Variants in GRK3 observed in about 807,000 individuals in gnomAD.
GRK3 encodes the protein adrenergic, beta, receptor kinase 2.
Under a neutral mutation model 95.7 loss-of-function variants are expected in GRK3, and 54 were observed. The observed-to-expected ratio is 0.56, with a 90% CI of 0.45 to 0.71. GRK3 has a LOEUF of 0.71. GRK3 is among the 30% of genes least tolerant of loss of function. GRK3 has a pLI of 0.00. For synonymous variants in GRK3, 281 were observed against 290.8 expected, an observed-to-expected ratio of 0.97 and a Z score of 0.34; for missense variants, 649 against 851.2, an observed-to-expected ratio of 0.76 and a Z score of 2.96.
intron 11 of GRK3, among the ~76,000 whole-genome samples, chr22:25,689,748 A>G (rs2085150442): frequency 6.6e-6 from 1 of 152,124 alleles, no homozygotes; most frequent in African/African-American, 2.4e-5. Flanking sequence ...ATTCTTAGAA[A>G]CTTCCTGTCT....
At position 25,677,400 on chromosome 22, in the gene GRK3, AAG is replaced by A. The variant is rs1485429862; in HGVS notation, c.648-1414_648-1413del. Among the ~76,000 whole-genome samples, 530 of 147,678 alleles carry A rather than the reference AAG, an allele frequency of 3.6e-3. 1 individual carries two copies. The highest frequency in any genetic ancestry group is 5.4e-3 in the Non-Finnish European group (360 of 67,046). On this transcript the variant is annotated intron_variant, in intron 8 of 20. Coordinates refer to ENST00000324198, the MANE Select transcript of GRK3 (RefSeq NM_005160.4). ...CTTAAAAAAAAAAAAAAAAAAAAAA[AAG>A]AAAAGGAAAAAAAAAGAAAAGAAAT...
At chr22:25,594,900 A>T (rs995125447) in intron 1 of GRK3, among the ~76,000 whole-genome samples, 6 of 152,178 alleles carry the variant, frequency 3.9e-5, no homozygotes, top group Middle Eastern at 3.4e-3. Context: ...AATAAATAAA[A>T]TAAATAAATA....
intron 15 of GRK3, among the ~76,000 whole-genome samples, chr22:25,705,434 G>A (rs1568936306): frequency 6.6e-6 from 1 of 152,040 alleles, no homozygotes; most frequent in African/African-American, 2.4e-5. Flanking sequence ...TCTATTCTGT[G>A]ATCATAATCA....
chr22:25,648,948 T>C lies in GRK3; in HGVS notation c.264+4283T>C, dbSNP rs547704766. The stretch of plus-strand genomic sequence containing the variant: ...TCCTGAAGTTGCACTGTATGGTGGG[T>C]TTACAATAAAGTCTGGTGTCTGCTC... On this transcript the variant is annotated intron_variant, in intron 3 of 20. Coordinates refer to ENST00000324198, the MANE Select transcript of GRK3 (RefSeq NM_005160.4). 7.4e-5 allele frequency: 68 copies of C among 920,234 alleles called. 1 individual carries two copies. The East Asian group carries it at 1.6e-3, about 22-fold the overall frequency. The allele number at this position is 920,234 out of a possible 1,614,324, so 57.0% of individuals were successfully genotyped here.
At position 25,678,782 on chromosome 22, in the gene GRK3, C is replaced by T. The variant is rs201402565; in HGVS notation, c.648-34C>T. On this transcript the variant is annotated intron_variant, in intron 8 of 20. Coordinates refer to ENST00000324198, the MANE Select transcript of GRK3 (RefSeq NM_005160.4). ...GTTTAAATTAGTCTAGATATATTTA[C>T]GGCATAGATTTTTCAATAAATTTAT... 2,264 of 1,286,218 alleles carry T rather than the reference C, an allele frequency of 1.8e-3. 8 individuals carry two copies. The highest frequency in any genetic ancestry group is 4.2e-3 in the South Asian group (327 of 77,658). 79.7% of individuals were successfully genotyped at this position (1,286,218 alleles called of 1,614,324 possible).
At chr22:25,577,390 G>T (rs1026876970) in intron 1 of GRK3, among the ~76,000 whole-genome samples, 1 of 152,130 alleles carries the variant, frequency 6.6e-6, no homozygotes, top group African/African-American at 2.4e-5. Flanking sequence ...GCCCAGGCTG[G>T]TCTCGAACTC....
chr22:25,649,252 T>A, intron 3 of GRK3: 2 of 1,132,930 alleles, frequency 1.8e-6, no homozygotes, highest in Non-Finnish European at 2.7e-6. Context: ...TAGCCTATTT[T>A]ATATGCTCAC....
intron 1 of GRK3, among the ~76,000 whole-genome samples, chr22:25,573,211 A>T (rs975553271): frequency 6.6e-6 from 1 of 152,232 alleles, no homozygotes; most frequent in Non-Finnish European, 1.5e-5. Flanking sequence ...ATCTATGCTC[A>T]TTAGTCTGAA....
At chr22:25,662,593 G>T (rs1020731834) in intron 4 of GRK3, among the ~76,000 whole-genome samples, 1 of 152,210 alleles carries the variant, frequency 6.6e-6, no homozygotes, top group Non-Finnish European at 1.5e-5. Context: ...GGCTAAAGAG[G>T]ACGTCTCTTT....
chr22:25,655,288 A>G lies in GRK3; in HGVS notation c.265-6288A>G, dbSNP rs139420543. Among the ~76,000 whole-genome samples the G allele has an allele frequency of 1.1e-4, 16 of 152,178 alleles. No individual in the cohort carries two copies. In the East Asian group the frequency reaches 3.1e-3, roughly 29 times the overall value. On this transcript the variant is annotated intron_variant, in intron 3 of 20. Transcript: ENST00000324198. ...CTACCTCTCCCTGTTAGTTTTCACT[A>G]CCTTCTTACATAGAATGTCTACGTT...
intron 16 of GRK3, 75 bp from the exon 17 acceptor site, chr22:25,710,993 C>T: frequency 1.2e-6 from 1 of 837,722 alleles, no homozygotes. Context: ...ACTGTGCTGT[C>T]TTTGTAGAAT....
At position 25,610,560 on chromosome 22, in the gene GRK3, C is replaced by T. The variant is rs192145638; in HGVS notation, c.190+6107C>T. Among the ~76,000 whole-genome samples the T allele has an allele frequency of 2.5e-3, 383 of 152,210 alleles. 5 individuals are homozygous for T. Among genetic ancestry groups the T allele is most frequent in the Non-Finnish European group, 1.7e-3 (115 of 68,020 alleles). On this transcript the variant is annotated intron_variant, in intron 2 of 20. Coordinates refer to ENST00000324198, the MANE Select transcript of GRK3 (RefSeq NM_005160.4). ...TTTTGGTAAATTTCTACAGTTGTGCCCCCGTCACCACAATACAATTTAAAA... is the reference window on the plus strand; with the variant it reads ...TTTTGGTAAATTTCTACAGTTGTGCTCCCGTCACCACAATACAATTTAAAA...
chr22:25,647,711 C>T (rs2084795890), intron 3 of GRK3: 1 of 1,323,916 alleles, frequency 7.6e-7, no homozygotes, highest in Non-Finnish European at 1.1e-6. Context: ...GTAGCGCCTG[C>T]AGATTCCATT....
At chr22:25,570,977 G>A (rs905945698) in intron 1 of GRK3, among the ~76,000 whole-genome samples, 5 of 152,258 alleles carry the variant, frequency 3.3e-5, no homozygotes, top group African/African-American at 1.2e-4. Flanking sequence ...AGCCCATGGC[G>A]AATGCAGTGA....
chr22:25,707,614 C>T (rs935836623), intron 15 of GRK3, among the ~76,000 whole-genome samples: 5 of 152,284 alleles, frequency 3.3e-5, no homozygotes, highest in African/African-American at 1.2e-4. Flanking sequence ...AGGAACACTC[C>T]AGCTGGAGGA....
chr22:25,671,639 T>C (rs187024442), intron 6 of GRK3, among the ~76,000 whole-genome samples: 290 of 152,358 alleles, frequency 1.9e-3, no homozygotes, highest in African/African-American at 6.5e-3. Context: ...TCTGAACATT[T>C]TGATGCCTTG....
intron 8 of GRK3, among the ~76,000 whole-genome samples, chr22:25,677,377 T>TAAAAAAAA (rs376997700): frequency 1.9e-4 from 8 of 42,550 alleles, no homozygotes; most frequent in Non-Finnish European, 3.4e-4. Context: ...CCCCATATCT[T>TAAAAAAAA]AAAAAAAAAA....
chr22:25,658,594 A>T (rs1189508400), intron 3 of GRK3, among the ~76,000 whole-genome samples: 1 of 151,410 alleles, frequency 6.6e-6, no homozygotes, highest in African/African-American at 2.4e-5. Flanking sequence ...TCCTTTGGTC[A>T]CTCTTCAGTG....
intron 2 of GRK3, among the ~76,000 whole-genome samples, chr22:25,611,861 C>G (rs2084500001): frequency 8.1e-6 from 1 of 123,602 alleles, no homozygotes; most frequent in Non-Finnish European, 1.6e-5. Flanking sequence ...GAGATGGAGT[C>G]TCACTCTGTC....
Sources: gnomAD v4.1 joint callset for allele counts (sites outside exome capture counted in the v4.1 genomes callset) on GRCh38, gnomAD v4.1.1 for gene constraint, MANE v1.5 for transcripts, NCBI Gene and HGNC (gene_info 2026-07-23, HGNC 2026-07-21) for gene names.